Variants in PVT1 observed in about 807,000 individuals in gnomAD.
The protein encoded by PVT1 is Pvt1 oncogene.
At chr8:128,002,564 T>C (rs1817193013) in intron 4 of PVT1, among the ~76,000 whole-genome samples, 1 of 152,152 alleles carries the variant, frequency 6.6e-6, no homozygotes, top group South Asian at 2.1e-4. Context: ...TCCCTTTCTC[T>C]CTCCCGGCCT....
At chr8:127,852,998 C>T (rs1277451080) in intron 2 of PVT1, among the ~76,000 whole-genome samples, 1 of 152,148 alleles carries the variant, frequency 6.6e-6, no homozygotes, top group Non-Finnish European at 1.5e-5. Flanking sequence ...ACAAGGTTCT[C>T]TCTCACGACA....
chr8:127,813,441 C>G (rs553644727), intron 2 of PVT1, among the ~76,000 whole-genome samples: 1 of 152,044 alleles, frequency 6.6e-6, no homozygotes, highest in African/African-American at 2.4e-5. Flanking sequence ...ATCATCTGCT[C>G]TCCTGGTTGT....
rs1586497079 is a variant in PVT1, at chr8:128,047,869, T to C, written n.913-22291T>C. 3.9e-5 allele frequency among the ~76,000 whole-genome samples: 6 copies of C among 152,344 alleles called. No homozygotes were observed. In the South Asian group the frequency reaches 1.2e-3, roughly 32 times the overall value. On this transcript the variant is annotated intron_variant and non_coding_transcript_variant, in intron 4 of 10. Coordinates refer to ENST00000651587, the Ensembl canonical transcript of PVT1. ...AACTTCACATCATATATTATAAATATATACAATTTTTATTTGTGAATTAAA... is the reference window on the plus strand; with the variant it reads ...AACTTCACATCATATATTATAAATACATACAATTTTTATTTGTGAATTAAA...
At chr8:127,924,359 C>G (rs1563640813) in intron 3 of PVT1, among the ~76,000 whole-genome samples, 1 of 152,166 alleles carries the variant, frequency 6.6e-6, no homozygotes, top group African/African-American at 2.4e-5. Flanking sequence ...TTCTTTGAGA[C>G]AGAGTCTTGC....
rs545202095 is a variant in PVT1 at position 127,992,834 on chromosome 8, C to G, written n.912+3543C>G. Among the ~76,000 whole-genome samples, 3 of 152,338 alleles carry G rather than the reference C, an allele frequency of 2.0e-5. No individual in the cohort carries two copies. The East Asian group carries it at 5.8e-4, about 29-fold the overall frequency. ...TCATCTGCTGGCTCCCTGCCTGATA[C>G]TGCCACACTGGTCATGCTGGCCTCC... On this transcript the variant is annotated intron_variant and non_coding_transcript_variant, in intron 4 of 10. Coordinates refer to ENST00000651587, the Ensembl canonical transcript of PVT1.
At chr8:127,947,004 G>C (rs1436841342) in intron 3 of PVT1, 1 of 152,142 alleles carries the variant, frequency 6.6e-6, no homozygotes, top group Non-Finnish European at 1.5e-5. Flanking sequence ...TTGAAATGCA[G>C]ACTTGTTGTT....
chr8:127,954,711 G>A (rs1167654423), intron 3 of PVT1, among the ~76,000 whole-genome samples: 1 of 152,146 alleles, frequency 6.6e-6, no homozygotes, highest in East Asian at 1.9e-4. Flanking sequence ...CTTCCCCAAA[G>A]TCATACAGTG....
intron 2 of PVT1, among the ~76,000 whole-genome samples, chr8:127,822,203 G>A (rs1359231782): frequency 6.6e-6 from 1 of 152,234 alleles, no homozygotes; most frequent in East Asian, 1.9e-4. Context: ...TGTTACTTTA[G>A]TGGTTGTTTT....
At chr8:127,812,264 CAGGAAGGAAGGA>C (rs112398801) in intron 2 of PVT1, among the ~76,000 whole-genome samples, 2 of 125,950 alleles carry the variant, frequency 1.6e-5, no homozygotes, top group African/African-American at 7.6e-5. Context: ...GGCAGGAAGG[CAGGAAGGAAGGA>C]AGGAAGGAAG....
intron 2 of PVT1, among the ~76,000 whole-genome samples, chr8:127,860,773 A>AG (rs1279420869): frequency 1.5e-5 from 2 of 134,180 alleles, no homozygotes; most frequent in Non-Finnish European, 3.5e-5. Context: ...TCAAAAAAAA[A>AG]AAAAAAAAAA....
At chr8:127,834,682 G>T (rs1303825806) in intron 2 of PVT1, among the ~76,000 whole-genome samples, 3 of 152,052 alleles carry the variant, frequency 2.0e-5, no homozygotes, top group Non-Finnish European at 4.4e-5. Flanking sequence ...CTGACCAATG[G>T]CTAATATTCA....
chr8:127,913,052 G>C (rs1057391093), intron 3 of PVT1, among the ~76,000 whole-genome samples: 2 of 151,556 alleles, frequency 1.3e-5, no homozygotes, highest in Non-Finnish European at 2.9e-5. Flanking sequence ...GTTTTACCGT[G>C]TTGGCCAGGC....
At chr8:128,045,117 A>G (rs1813595716) in intron 4 of PVT1, among the ~76,000 whole-genome samples, 1 of 152,208 alleles carries the variant, frequency 6.6e-6, no homozygotes, top group Non-Finnish European at 1.5e-5. Context: ...CCCAGATAAC[A>G]TATCCTATCT....
At chr8:128,000,289 C>T (rs1016401629) in intron 4 of PVT1, among the ~76,000 whole-genome samples, 3 of 152,164 alleles carry the variant, frequency 2.0e-5, no homozygotes, top group South Asian at 4.1e-4. Flanking sequence ...CTCAGCCAGG[C>T]GTCCCAAACT....
intron 2 of PVT1, among the ~76,000 whole-genome samples, chr8:127,863,051 T>C (rs1815245226): frequency 6.6e-6 from 1 of 152,000 alleles, no homozygotes; most frequent in African/African-American, 2.4e-5. Flanking sequence ...TACAAGGATC[T>C]ACCCCATTAA....
At chr8:127,831,816 A>G (rs1245484012) in intron 2 of PVT1, among the ~76,000 whole-genome samples, 1 of 152,210 alleles carries the variant, frequency 6.6e-6, no homozygotes, top group Non-Finnish European at 1.5e-5. Context: ...CTAACTTGGC[A>G]AGAGCGCCTC....
intron 2 of PVT1, among the ~76,000 whole-genome samples, chr8:127,801,897 T>C (rs1265531787): frequency 3.1e-5 from 1 of 31,942 alleles, no homozygotes; most frequent in Non-Finnish European, 7.7e-5. Context: ...TCATTATTTA[T>C]TTATTTATTT....
At chr8:127,942,428 C>T (rs1376592355) in intron 3 of PVT1, among the ~76,000 whole-genome samples, 2 of 152,212 alleles carry the variant, frequency 1.3e-5, no homozygotes, top group East Asian at 1.9e-4. Context: ...GGCAACTACA[C>T]AGCCAGTGGT....
At chr8:127,899,882 G>GTA (rs1815737053) in intron 3 of PVT1, among the ~76,000 whole-genome samples, 1 of 152,132 alleles carries the variant, frequency 6.6e-6, no homozygotes, top group Non-Finnish European at 1.5e-5. Context: ...GGGGATCTCT[G>GTA]TATAGTGTGA....
Sources: gnomAD v4.1 joint callset for allele counts (sites outside exome capture counted in the v4.1 genomes callset) on GRCh38, gnomAD v4.1.1 for gene constraint, MANE v1.5 for transcripts, NCBI Gene and HGNC (gene_info 2026-07-23, HGNC 2026-07-21) for gene names.